Variants in SHTN1 observed in about 807,000 individuals in gnomAD.
SHTN1 encodes the protein shootin 1.
Under a neutral mutation model 83.1 loss-of-function variants are expected in SHTN1, and 42 were observed. That is an observed-to-expected ratio of 0.51 (90% CI 0.39 to 0.65). SHTN1 has a LOEUF of 0.65. Among genes scored for constraint, SHTN1 ranks in the 30% least tolerant of loss-of-function variants. SHTN1 has a pLI of 0.00. For missense variants in SHTN1, 622 were observed against 737.8 expected, an observed-to-expected ratio of 0.84 and a Z score of 1.82; for synonymous variants, 224 against 247.7, an observed-to-expected ratio of 0.90 and a Z score of 0.90.
chr10:116,992,351 T>C (rs116494382), intron 1 of SHTN1, among the ~76,000 whole-genome samples: 2 of 152,280 alleles, frequency 1.3e-5, no homozygotes, highest in African/African-American at 2.4e-5. Flanking sequence ...TAAAAACAAC[T>C]CTCCTTGTCT....
chr10:117,111,536 C>T (rs1297231098), intron 1 of SHTN1, among the ~76,000 whole-genome samples: 2 of 152,004 alleles, frequency 1.3e-5, no homozygotes, highest in Non-Finnish European at 1.5e-5. Context: ...TCATGATCCA[C>T]CCACCTCAGC....
intron 1 of SHTN1, among the ~76,000 whole-genome samples, chr10:117,051,964 G>A (rs1402090973): frequency 9.6e-6 from 1 of 103,706 alleles, no homozygotes; most frequent in African/African-American, 3.4e-5. Context: ...TGGAAAGGCA[G>A]AAGTAAAACT....
chr10:117,093,697 G>C (rs552905846), intron 1 of SHTN1, among the ~76,000 whole-genome samples: 1 of 152,238 alleles, frequency 6.6e-6, no homozygotes, highest in Admixed American at 6.5e-5. Flanking sequence ...ACAACTTACG[G>C]AACAACTAGG....
chr10:117,097,642 G>A (rs1241669172), intron 1 of SHTN1, among the ~76,000 whole-genome samples: 1 of 152,102 alleles, frequency 6.6e-6, no homozygotes, highest in Non-Finnish European at 1.5e-5. Flanking sequence ...AAGGTTATAG[G>A]TTACTAAAAC....
At chr10:117,051,675 T>C (rs1022956341) in intron 1 of SHTN1, among the ~76,000 whole-genome samples, 12 of 151,828 alleles carry the variant, frequency 7.9e-5, no homozygotes, top group South Asian at 2.1e-4. Context: ...ATGATCTCAA[T>C]TGATCTAGTA....
At chr10:117,003,099 ATTT>A (rs535285697) in intron 1 of SHTN1, among the ~76,000 whole-genome samples, 2 of 152,166 alleles carry the variant, frequency 1.3e-5, no homozygotes, top group East Asian at 1.9e-4. Flanking sequence ...GAAAGGGAAA[ATTT>A]TTTTATGTTT....
intron 1 of SHTN1, among the ~76,000 whole-genome samples, chr10:116,986,714 T>TC (rs1345947511): frequency 8.5e-6 from 1 of 117,980 alleles, no homozygotes; most frequent in Non-Finnish European, 1.7e-5. Context: ...AAACCCAGTA[T>TC]CCTTTTTTTT....
chr10:116,894,017 A>G (rs1366881595), intron 16 of SHTN1, among the ~76,000 whole-genome samples: 1 of 152,026 alleles, frequency 6.6e-6, no homozygotes. Flanking sequence ...GAATGAAGAG[A>G]CCAGTTAGAG....
intron 1 of SHTN1, among the ~76,000 whole-genome samples, chr10:116,996,968 C>G (rs1255605018): frequency 6.6e-6 from 1 of 152,182 alleles, no homozygotes; most frequent in African/African-American, 2.4e-5. Context: ...AGGAAACCAG[C>G]CTATCTCCCC....
In SHTN1 at chr10:116,883,838, C is replaced by T. The variant is rs548066333; in HGVS notation, c.*2506G>A. The stretch of plus-strand genomic sequence containing the variant: ...CCATGGGACTGTTCAGCTGCTGAAA[C>T]TGCTGTGGGTGAGGACTTTGTTTGA... On this transcript the variant is annotated 3_prime_UTR_variant, in exon 17 of 17. Coordinates refer to ENST00000355371, the MANE Select transcript of SHTN1 (RefSeq NM_001127211.3). The T allele has an allele frequency of 1.4e-4, 24 of 177,484 alleles. No individual in the cohort carries two copies. The East Asian group carries it at 4.1e-3, about 30-fold the overall frequency. 11.0% of individuals were successfully genotyped at this position (177,484 alleles called of 1,614,324 possible). A position where few individuals can be genotyped will look rare whatever the true frequency, so the allele number is the denominator to read the frequency against.
At chr10:117,126,416 G>A in exon 1 of SHTN1, 1 of 206,026 alleles carries the variant, frequency 4.9e-6, no homozygotes, top group Non-Finnish European at 1.0e-5. Context: ...TCCCTAGAGC[G>A]CCAGCCCTGC....
At chr10:117,019,723 T>G (rs1852232462) in intron 2 of SHTN1, among the ~76,000 whole-genome samples, 1 of 151,446 alleles carries the variant, frequency 6.6e-6, no homozygotes, top group South Asian at 2.1e-4. Context: ...TCCCAGCAAC[T>G]TGGGAGCCTG....
At chr10:116,952,878 A>G (rs928699246) in intron 5 of SHTN1, among the ~76,000 whole-genome samples, 2 of 152,204 alleles carry the variant, frequency 1.3e-5, no homozygotes, top group Non-Finnish European at 2.9e-5. Context: ...GTTCTCAGAG[A>G]CTTATTTCTG....
At chr10:116,915,621 T>G in intron 12 of SHTN1, 137 bp from the exon 13 acceptor site, 1 of 587,160 alleles carries the variant, frequency 1.7e-6, no homozygotes, top group African/African-American at 1.9e-5. Context: ...CACTAAAAAT[T>G]TACTAGTTAA....
chr10:117,102,572 T>G (rs986810633), intron 1 of SHTN1, among the ~76,000 whole-genome samples: 2 of 152,044 alleles, frequency 1.3e-5, no homozygotes, highest in African/African-American at 4.8e-5. Context: ...GTTTTCTTGC[T>G]TTTTTCCCCT....
At chr10:117,084,678 CA>C (rs1853320253) in intron 1 of SHTN1, among the ~76,000 whole-genome samples, 1 of 152,022 alleles carries the variant, frequency 6.6e-6, no homozygotes, top group African/African-American at 2.4e-5. Flanking sequence ...GCTGTGCTAG[CA>C]ATCAGCGAGA....
intron 1 of SHTN1, among the ~76,000 whole-genome samples, chr10:116,983,186 G>A (rs1461348661): frequency 6.6e-6 from 1 of 152,112 alleles, no homozygotes; most frequent in Non-Finnish European, 1.5e-5. Flanking sequence ...CTGAGTCTCA[G>A]GTTCCTCATC....
At chr10:116,963,184 G>T (rs1461568724) in intron 3 of SHTN1, among the ~76,000 whole-genome samples, 7 of 148,116 alleles carry the variant, frequency 4.7e-5, no homozygotes, top group Non-Finnish European at 1.0e-4. Flanking sequence ...CCATTCTCCT[G>T]CCTCAGCCTC....
At chr10:116,926,011 C>A (rs1438929052) in intron 11 of SHTN1, among the ~76,000 whole-genome samples, 1 of 151,662 alleles carries the variant, frequency 6.6e-6, no homozygotes, top group African/African-American at 2.4e-5. Flanking sequence ...AAAAAAAAAA[C>A]TCTTTTCTTT....
Sources: allele counts gnomAD v4.1 joint callset (sites outside exome capture counted in the v4.1 genomes callset), GRCh38; gene constraint gnomAD v4.1.1; transcripts MANE v1.5; gene names NCBI Gene and HGNC (gene_info 2026-07-23, HGNC 2026-07-21).